The following MAGI1 variants were observed in gnomAD, a reference collection of about 807,000 sequenced individuals.
MAGI1 encodes the protein membrane-associated guanylate kinase, WW and PDZ domain-containing protein 1.
In MAGI1, 58 loss-of-function variants were observed where a neutral mutation model predicts 139.9. The ratio of observed to expected loss-of-function variants is 0.41; its 90% CI spans 0.34 to 0.52. The LOEUF (loss-of-function observed/expected upper bound fraction) is 0.52, where lower values mean the gene tolerates loss of function less well. Among genes scored for constraint, MAGI1 ranks in the 20% least tolerant of loss-of-function variants. The probability of loss-of-function intolerance (pLI) is 0.12; values close to 1 mark genes in which losing one functional copy is unlikely to be tolerated. For synonymous variants in MAGI1, 812 were observed against 737.9 expected (o/e 1.10, Z -1.63); for missense variants, 1,874 against 1,901.6 (o/e 0.99, Z 0.27).
chr3:65,999,614 C>A (rs1177307208), intron 1 of MAGI1, among the ~76,000 whole-genome samples: 1 of 152,040 alleles, frequency 6.6e-6, no homozygotes, highest in Non-Finnish European at 1.5e-5. Flanking sequence ...TAATCGTTTT[C>A]TCCATCTCAA....
chr3:65,950,078 C>CAAAA (rs751496271), intron 1 of MAGI1, among the ~76,000 whole-genome samples: 5 of 40,338 alleles, frequency 1.2e-4, no homozygotes, highest in Non-Finnish European at 1.8e-4. Flanking sequence ...AAAAAAAAAA[C>CAAAA]AAAAAAAAAA....
chr3:66,034,713 T>C (rs376292922), intron 1 of MAGI1, among the ~76,000 whole-genome samples: 18 of 152,168 alleles, frequency 1.2e-4, no homozygotes, highest in Non-Finnish European at 2.1e-4. Flanking sequence ...CAAACTGGTA[T>C]GTGTATACAA....
At chr3:65,370,727 TCAACCTCCTGGGCTCCAGC>T (rs1442843368) in intron 18 of MAGI1, among the ~76,000 whole-genome samples, 4 of 152,210 alleles carry the variant, frequency 2.6e-5, no homozygotes, top group African/African-American at 9.6e-5. Flanking sequence ...AAGCTCGACC[TCAACCTCCTGGGCTCCAGC>T]CATCCTCCCG....
At chr3:65,843,952 A>AT (rs1401911779) in intron 1 of MAGI1, 1 of 212,084 alleles carries the variant, frequency 4.7e-6, no homozygotes, top group Non-Finnish European at 9.5e-6. Context: ...ACAGGTTAAA[A>AT]TTTTCATTTT....
At chr3:65,509,629 C>A (rs1038677924) in intron 2 of MAGI1, among the ~76,000 whole-genome samples, 16 of 152,322 alleles carry the variant, frequency 1.1e-4, no homozygotes, top group East Asian at 3.9e-4. Context: ...GAGATTATAT[C>A]CCACACCTGG....
chr3:65,792,883 G>A (rs2039883835), intron 1 of MAGI1, among the ~76,000 whole-genome samples: 1 of 152,122 alleles, frequency 6.6e-6, no homozygotes, highest in Non-Finnish European at 1.5e-5. Context: ...GATTGGCGCG[G>A]GGGAGGGCAG....
At chr3:65,547,055 ACT>A (rs778991053) in intron 2 of MAGI1, among the ~76,000 whole-genome samples, 65 of 152,218 alleles carry the variant, frequency 4.3e-4, no homozygotes, top group Non-Finnish European at 6.8e-4. Context: ...ATGCTGAACC[ACT>A]GTTACATCAA....
chr3:65,687,664 C>T (rs1249848832), intron 1 of MAGI1: 2 of 491,826 alleles, frequency 4.1e-6, no homozygotes, highest in East Asian at 1.1e-4. Context: ...AGCTGCCCCG[C>T]TGGTAATACA....
intron 3 of MAGI1, among the ~76,000 whole-genome samples, chr3:65,479,367 T>C (rs1951103171): frequency 1.3e-5 from 2 of 152,206 alleles, no homozygotes; most frequent in African/African-American, 2.4e-5. Flanking sequence ...TGCCAAGCTT[T>C]AACAGAAAAC....
intron 1 of MAGI1, among the ~76,000 whole-genome samples, chr3:65,622,998 T>C (rs370888897): frequency 2.0e-5 from 3 of 152,134 alleles, no homozygotes; most frequent in African/African-American, 4.8e-5. Context: ...TGGGTTGACA[T>C]TGGGAGAAAA....
intron 1 of MAGI1, among the ~76,000 whole-genome samples, chr3:65,993,458 A>G (rs937591724): frequency 3.3e-5 from 5 of 152,210 alleles, no homozygotes; most frequent in Admixed American, 6.5e-5. Context: ...CTGAACAAGA[A>G]TAACTCACAG....
intron 1 of MAGI1, among the ~76,000 whole-genome samples, chr3:65,943,632 T>G (rs796243743): frequency 6.6e-6 from 1 of 152,068 alleles, no homozygotes; most frequent in African/African-American, 2.4e-5. Context: ...ACTAATTGTG[T>G]GTGTGATTGT....
At chr3:65,492,806 A>G (rs1952137361) in intron 3 of MAGI1, among the ~76,000 whole-genome samples, 2 of 152,208 alleles carry the variant, frequency 1.3e-5, no homozygotes, top group African/African-American at 4.8e-5. Context: ...TATTTTTAAA[A>G]TAATTTGCTT....
intron 21 of MAGI1, among the ~76,000 whole-genome samples, chr3:65,361,715 C>G (rs1339598952): frequency 6.6e-6 from 1 of 152,174 alleles, no homozygotes; most frequent in Admixed American, 6.5e-5. Flanking sequence ...ATATGGCAAA[C>G]ATGATATCAG....
chr3:65,462,277 T>A (rs1949850959), intron 5 of MAGI1, among the ~76,000 whole-genome samples: 1 of 152,246 alleles, frequency 6.6e-6, no homozygotes, highest in Non-Finnish European at 1.5e-5. Flanking sequence ...CTTTAATCCA[T>A]CTTGAGTTAA....
intron 2 of MAGI1, among the ~76,000 whole-genome samples, chr3:65,500,938 A>G (rs774867365): frequency 6.6e-6 from 1 of 152,222 alleles, no homozygotes; most frequent in Non-Finnish European, 1.5e-5. Flanking sequence ...TCTGATAAAT[A>G]TCCAGAGTAT....
At chr3:65,818,078 T>C (rs1158776194) in intron 1 of MAGI1, among the ~76,000 whole-genome samples, 1 of 133,346 alleles carries the variant, frequency 7.5e-6, no homozygotes, top group African/African-American at 2.7e-5. Flanking sequence ...GTCTCTCTCT[T>C]TGACTTTCCT....
At chr3:65,412,821 C>T (rs1408024096) in intron 12 of MAGI1, among the ~76,000 whole-genome samples, 1 of 152,160 alleles carries the variant, frequency 6.6e-6, no homozygotes, top group Non-Finnish European at 1.5e-5. Flanking sequence ...CAAGGTTCCG[C>T]TGTGCCACCT....
chr3:65,953,732 A>C (rs1164295797), intron 1 of MAGI1, among the ~76,000 whole-genome samples: 3 of 152,210 alleles, frequency 2.0e-5, no homozygotes, highest in African/African-American at 7.2e-5. Context: ...CAACAACCTC[A>C]GCACAGAAAC....
Sources: gnomAD v4.1 joint callset for allele counts (sites outside exome capture counted in the v4.1 genomes callset) on GRCh38, gnomAD v4.1.1 for gene constraint, MANE v1.5 for transcripts, NCBI Gene and HGNC (gene_info 2026-07-23, HGNC 2026-07-21) for gene names.